RXFP2: variants seen among roughly 807,000 people sequenced by gnomAD.
RXFP2 encodes the protein relaxin receptor 2.
RXFP2 carries 68 observed loss-of-function variants against 88.6 expected under a neutral mutation model. That is an observed-to-expected ratio of 0.77 (90% CI 0.63 to 0.94). The LOEUF (loss-of-function observed/expected upper bound fraction) is 0.94, where lower values mean the gene tolerates loss of function less well. RXFP2 is among the 40% of genes least tolerant of loss of function. The pLI is 0.00. For missense variants in RXFP2, 791 were observed against 893.9 expected, an observed-to-expected ratio of 0.88 and a Z score of 1.47; for synonymous variants, 329 against 306.8, an observed-to-expected ratio of 1.07 and a Z score of -0.76.
intron 1 of RXFP2, among the ~76,000 whole-genome samples, chr13:31,747,209 C>T (rs1871461778): frequency 6.6e-6 from 1 of 152,042 alleles, no homozygotes; most frequent in Non-Finnish European, 1.5e-5. Flanking sequence ...GAGAAAATTA[C>T]CTGTGCTGTG....
chr13:31,762,894 T>C (rs551592371), intron 3 of RXFP2, among the ~76,000 whole-genome samples: 59 of 152,246 alleles, frequency 3.9e-4, no homozygotes, highest in African/African-American at 1.4e-3. Context: ...GAAATCATCA[T>C]AGTTTTGGGC....
Position 31,758,311 on chromosome 13 carries a change from T to G in RXFP2, c.148T>G (p.Phe50Val). 6.2e-7 allele frequency: 1 copy of G among 1,614,146 alleles called. No homozygotes were observed. Residue 50 changes from phenylalanine to valine, a missense_variant, in exon 2 of 18, where the codon TTT becomes GTT. By Grantham distance (50) the Phe-to-Val change is conservative. Coordinates refer to ENST00000298386, the MANE Select transcript of RXFP2 (RefSeq NM_130806.5). ...MITPSCQKGYFPCGNLTKCLP... is the reference protein window; with the variant it reads ...MITPSCQKGYVPCGNLTKCLP... ...CACTCCTTCATGCCAAAAAGGATAT[T>G]TTCCCTGTGGGAATCTTACCAAGTG...
intron 3 of RXFP2, among the ~76,000 whole-genome samples, chr13:31,763,079 GA>G (rs1332527088): frequency 1.8e-5 from 2 of 111,828 alleles, no homozygotes; most frequent in Non-Finnish European, 3.5e-5. Flanking sequence ...AGTGTCTGGA[GA>G]CTTTTTTTTT....
At chr13:31,769,625 C>T (rs1016291227) in intron 5 of RXFP2, among the ~76,000 whole-genome samples, 15 of 152,334 alleles carry the variant, frequency 9.8e-5, no homozygotes, top group Non-Finnish European at 5.9e-5. Flanking sequence ...CATCCCTTTC[C>T]TTCTGCACTC....
chr13:31,787,117 T>G (rs949119262), intron 13 of RXFP2, among the ~76,000 whole-genome samples: 1 of 152,224 alleles, frequency 6.6e-6, no homozygotes, highest in African/African-American at 2.4e-5. Context: ...ATTTTTACAT[T>G]TCAACCATAT....
At chr13:31,769,196 G>A (rs967155703) in intron 5 of RXFP2, among the ~76,000 whole-genome samples, 1 of 152,164 alleles carries the variant, frequency 6.6e-6, no homozygotes, top group Non-Finnish European at 1.5e-5. Flanking sequence ...AATTTGTTAG[G>A]TGGTGGTGAG....
chr13:31,744,434 C>CTTT (rs1450563460), intron 1 of RXFP2, among the ~76,000 whole-genome samples: 20 of 152,196 alleles, frequency 1.3e-4, no homozygotes, highest in African/African-American at 4.6e-4. Context: ...TAGTTCATAG[C>CTTT]ATGTGCATTA....
At chr13:31,776,081 C>T (rs5007807) in intron 7 of RXFP2, among the ~76,000 whole-genome samples, 6,878 of 103,860 alleles carry the variant, frequency 0.066, 448 homozygotes, top group South Asian at 0.12. Flanking sequence ...TCTTTCTTTC[C>T]TTCCTTCTTT....
At chr13:31,789,095 A>G (rs895322084) in intron 13 of RXFP2, 27 bp from the exon 14 acceptor site, 2 of 1,442,858 alleles carry the variant, frequency 1.4e-6, no homozygotes, top group South Asian at 2.3e-5. Context: ...TCTCAACACC[A>G]TTAAACCTAT....
intron 1 of RXFP2, among the ~76,000 whole-genome samples, chr13:31,747,139 C>T (rs1279831833): frequency 6.6e-6 from 1 of 152,068 alleles, no homozygotes; most frequent in African/African-American, 2.4e-5. Flanking sequence ...GGGTTGTGTA[C>T]ATGCTGTTAT....
intron 7 of RXFP2, among the ~76,000 whole-genome samples, chr13:31,776,184 CTCTTTCTTTCTTTTT>C (rs914471522): frequency 7.1e-6 from 1 of 141,766 alleles, no homozygotes; most frequent in Non-Finnish European, 1.5e-5. Context: ...TTCTCTTTCT[CTCTTTCTTTCTTTTT>C]TCTTTCTTTC....
In RXFP2 at chr13:31,799,764, A is replaced by G. The variant is rs115256825; in HGVS notation, c.2005+2345A>G. On this transcript the variant is annotated intron_variant, in intron 17 of 17. Transcript: ENST00000298386. ...TTTCTGTCTGTATGAGGCCACTAGG[A>G]CTGCTATAACAAAGGACGTCCAGTT... Among the ~76,000 whole-genome samples, 432 of 152,200 alleles carry G rather than the reference A, an allele frequency of 2.8e-3. 2 individuals are homozygous for G. Among genetic ancestry groups the G allele is most frequent in the African/African-American group, 9.7e-3 (404 of 41,522 alleles).
chr13:31,793,564 A>G (rs1050450190), intron 16 of RXFP2, among the ~76,000 whole-genome samples: 2 of 152,190 alleles, frequency 1.3e-5, no homozygotes, highest in African/African-American at 2.4e-5. Flanking sequence ...CTGTTAAGTC[A>G]GCAATGTAAG....
At chr13:31,753,096 C>G (rs1871747546) in intron 1 of RXFP2, among the ~76,000 whole-genome samples, 1 of 152,188 alleles carries the variant, frequency 6.6e-6, no homozygotes, top group Non-Finnish European at 1.5e-5. Flanking sequence ...GGAGCCATCG[C>G]CCCTGGTGTT....
Position 31,786,600 on chromosome 13 carries a change from A to G in RXFP2, c.1036A>G (p.Lys346Glu). The G allele has an allele frequency of 6.2e-7, 1 of 1,605,998 alleles. No individual in the cohort carries two copies. Among genetic ancestry groups the G allele is most frequent in the Non-Finnish European group, 8.5e-7 (1 of 1,173,106 alleles). ...ATCCAATCCTCTTATGTATCTTCACAAGAACCAGTTTGAAAGTCTTAAACA... is the reference window on the plus strand; with the variant it reads ...ATCCAATCCTCTTATGTATCTTCACGAGAACCAGTTTGAAAGTCTTAAACA... ...LSSNPLMYLH[K>E]NQFESLKQLQ... is the part of the protein sequence containing the mutation. The change falls in exon 13 of 18, where the codon AAG becomes GAG. Residue 346 changes from lysine to glutamate, a missense_variant. By Grantham distance (56) the Lys-to-Glu change is moderately conservative. Transcript: ENST00000298386.
intron 16 of RXFP2, among the ~76,000 whole-genome samples, chr13:31,795,219 G>A (rs1173164372): frequency 5.3e-5 from 8 of 150,442 alleles, no homozygotes; most frequent in Non-Finnish European, 8.9e-5. Flanking sequence ...GCGCCATCTC[G>A]GCTCCCTGCA....
intron 2 of RXFP2, among the ~76,000 whole-genome samples, chr13:31,761,106 C>A (rs1872282188): frequency 6.6e-6 from 1 of 152,016 alleles, no homozygotes; most frequent in Non-Finnish European, 1.5e-5. Context: ...AGGTGCGCAC[C>A]ACCACACCCA....
chr13:31,802,722 T>TG lies in RXFP2; in HGVS notation c.*318dup. 2.7e-6 allele frequency: 1 copy of TG among 370,770 alleles called. No individual in the cohort carries two copies. The highest frequency in any genetic ancestry group is 5.1e-6 in the Non-Finnish European group (1 of 195,616). The allele number at this position is 370,770 out of a possible 1,614,324, so 23.0% of individuals were successfully genotyped here. On this transcript the variant is annotated 3_prime_UTR_variant, in exon 18 of 18. Transcript: ENST00000298386. ...CCAACAAATGACCACAGGTTGGCAC[T>TG]GTGTGGTCTTTCACATCGGGTTGCA...
intron 5 of RXFP2, among the ~76,000 whole-genome samples, chr13:31,774,380 TCACA>T (rs1426433768): frequency 6.6e-6 from 1 of 152,160 alleles, no homozygotes; most frequent in East Asian, 1.9e-4. Context: ...CGCAGACACA[TCACA>T]CTGGAGTTCA....
Sources: allele counts gnomAD v4.1 joint callset (sites outside exome capture counted in the v4.1 genomes callset), GRCh38; gene constraint gnomAD v4.1.1; transcripts MANE v1.5; gene names NCBI Gene and HGNC (gene_info 2026-07-23, HGNC 2026-07-21).